EDC3: variants seen among roughly 807,000 people sequenced by gnomAD.
The protein encoded by EDC3 is enhancer of mRNA-decapping protein 3.
In EDC3, 20 loss-of-function variants were observed where a neutral mutation model predicts 41.8. That is an observed-to-expected ratio of 0.48 (90% CI 0.34 to 0.70). EDC3 has a LOEUF of 0.70. Among genes scored for constraint, EDC3 ranks in the 30% least tolerant of loss-of-function variants. The probability of loss-of-function intolerance (pLI) is 0.01; values close to 1 mark genes in which losing one functional copy is unlikely to be tolerated. For synonymous variants in EDC3, 206 were observed against 243.2 expected (o/e 0.85, Z 1.42); for missense variants, 444 against 636.8 (o/e 0.70, Z 3.26).
intron 4 of EDC3, among the ~76,000 whole-genome samples, chr15:74,653,195 A>C (rs1331465864): frequency 1.3e-5 from 2 of 152,038 alleles, no homozygotes; most frequent in Non-Finnish European, 2.9e-5. Flanking sequence ...TCCAAAAAAA[A>C]AAAAAAAACC....
intron 6 of EDC3, chr15:74,634,970 G>A (rs2062253635): frequency 4.7e-6 from 2 of 422,258 alleles, no homozygotes; most frequent in Non-Finnish European, 9.5e-6. Flanking sequence ...ACCTGACCCT[G>A]AAATGTCCAA....
At chr15:74,653,783 A>G (rs1232897551) in intron 4 of EDC3, among the ~76,000 whole-genome samples, 1 of 151,974 alleles carries the variant, frequency 6.6e-6, no homozygotes, top group Non-Finnish European at 1.5e-5. Context: ...GTGAAGATCA[A>G]GTTGGGGAGC....
At chr15:74,685,131 A>G (rs1020299202) in intron 1 of EDC3, among the ~76,000 whole-genome samples, 1 of 152,182 alleles carries the variant, frequency 6.6e-6, no homozygotes, top group African/African-American at 2.4e-5. Flanking sequence ...ATGGTGGTTC[A>G]TGCCTGTAAT....
intron 1 of EDC3, among the ~76,000 whole-genome samples, chr15:74,678,587 T>A (rs548191615): frequency 1.3e-5 from 2 of 152,180 alleles, no homozygotes; most frequent in African/African-American, 4.8e-5. Context: ...ATACAAACTT[T>A]TAGAAAACAC....
chr15:74,676,250 T>C (rs912695161), intron 1 of EDC3, among the ~76,000 whole-genome samples: 3 of 152,122 alleles, frequency 2.0e-5, no homozygotes, highest in South Asian at 4.1e-4. Context: ...ATGCTTAATA[T>C]AGTGCGTAAA....
At chr15:74,653,079 C>CTGAGGCAGGA (rs748310070) in intron 4 of EDC3, among the ~76,000 whole-genome samples, 82 of 151,798 alleles carry the variant, frequency 5.4e-4, no homozygotes, top group Non-Finnish European at 1.1e-3. Context: ...ACTCAGGAGG[C>CTGAGGCAGGA]TGAGGCAGGA....
At chr15:74,679,355 C>T (rs1024313780) in intron 1 of EDC3, among the ~76,000 whole-genome samples, 1 of 152,064 alleles carries the variant, frequency 6.6e-6, no homozygotes, top group Non-Finnish European at 1.5e-5. Flanking sequence ...ATTAACAAAT[C>T]AAATCCAGCA....
intron 2 of EDC3, among the ~76,000 whole-genome samples, chr15:74,673,561 G>A (rs1368213284): frequency 2.0e-5 from 3 of 149,230 alleles, no homozygotes; most frequent in African/African-American, 4.9e-5. Context: ...CTTGGCTGGG[G>A]CATGGTGGCT....
At chr15:74,675,264 T>A in intron 1 of EDC3, 122 bp from the exon 2 acceptor site, 2 of 835,890 alleles carry the variant, frequency 2.4e-6, no homozygotes, top group Non-Finnish European at 3.5e-6. Flanking sequence ...ATCACATTGT[T>A]AACTGAGGTA....
chr15:74,682,403 C>T (rs2062880521), intron 1 of EDC3, among the ~76,000 whole-genome samples: 2 of 151,288 alleles, frequency 1.3e-5, no homozygotes, highest in African/African-American at 2.4e-5. Context: ...TGGATCACAA[C>T]GTCAGGAGAT....
intron 1 of EDC3, among the ~76,000 whole-genome samples, chr15:74,694,674 TA>T (rs1339901910): frequency 1.3e-5 from 2 of 152,242 alleles, no homozygotes; most frequent in Non-Finnish European, 2.9e-5. Context: ...TTGCAACCAA[TA>T]TTTTTTTAGA....
At chr15:74,658,948 A>G (rs1216118130) in intron 3 of EDC3, among the ~76,000 whole-genome samples, 1 of 152,102 alleles carries the variant, frequency 6.6e-6, no homozygotes, top group Non-Finnish European at 1.5e-5. Context: ...CTAAAAAACA[A>G]AACAAAAACA....
At chr15:74,637,063 C>G (rs1317267788) in intron 5 of EDC3, 1 of 152,174 alleles carries the variant, frequency 6.6e-6, no homozygotes, top group Non-Finnish European at 1.5e-5. Context: ...CCACAGTGTG[C>G]TTATCCAAAA....
intron 3 of EDC3, among the ~76,000 whole-genome samples, chr15:74,661,560 C>A (rs1037281196): frequency 6.6e-6 from 1 of 151,830 alleles, no homozygotes; most frequent in Non-Finnish European, 1.5e-5. Context: ...GGCAGATTAC[C>A]TGAGGTCAGA....
chr15:74,691,604 T>C (rs1384984324), intron 1 of EDC3, among the ~76,000 whole-genome samples: 1 of 152,134 alleles, frequency 6.6e-6, no homozygotes, highest in African/African-American at 2.4e-5. Flanking sequence ...CACAAAGATA[T>C]GCAAGCAAGG....
intron 4 of EDC3, among the ~76,000 whole-genome samples, chr15:74,651,202 A>G (rs182450322): frequency 3.2e-4 from 48 of 152,300 alleles, no homozygotes; most frequent in African/African-American, 9.1e-4. Flanking sequence ...AAGAATTTCA[A>G]ATTACAAGTC....
Position 74,630,585 on chromosome 15 carries a change from T to A in EDC3, c.*2027A>T, listed in dbSNP as rs903873267. On this transcript the variant is annotated 3_prime_UTR_variant, in exon 7 of 7. Transcript: ENST00000315127. ...AGTCAGTCATTCAGCTTTATTTCAGTGCTGGTTTTTGGTTCCCTAAGAGCT... is the reference window on the plus strand; with the variant it reads ...AGTCAGTCATTCAGCTTTATTTCAGAGCTGGTTTTTGGTTCCCTAAGAGCT... 1 of 152,264 alleles carries A rather than the reference T, an allele frequency of 6.6e-6. No homozygotes were observed. Among genetic ancestry groups the A allele is most frequent in the Non-Finnish European group, 1.5e-5 (1 of 68,074 alleles). 9.4% of individuals were successfully genotyped at this position (152,264 alleles called of 1,614,324 possible).
chr15:74,692,726 A>G (rs1237826365), intron 1 of EDC3, among the ~76,000 whole-genome samples: 2 of 152,196 alleles, frequency 1.3e-5, no homozygotes, highest in African/African-American at 4.8e-5. Context: ...GTAATAAGCT[A>G]TGTTATGTAT....
intron 4 of EDC3, among the ~76,000 whole-genome samples, chr15:74,647,167 G>C (rs983557645): frequency 6.6e-6 from 1 of 152,028 alleles, no homozygotes; most frequent in South Asian, 2.1e-4. Flanking sequence ...GTGCCACCAC[G>C]GATAGCTAAT....
Sources: gnomAD v4.1 joint callset for allele counts (sites outside exome capture counted in the v4.1 genomes callset) on GRCh38, gnomAD v4.1.1 for gene constraint, MANE v1.5 for transcripts, NCBI Gene and HGNC (gene_info 2026-07-23, HGNC 2026-07-21) for gene names.